LCLAT1: variants seen among roughly 807,000 people sequenced by gnomAD.
LCLAT1 encodes the protein lysocardiolipin acyltransferase 1, also known as 1-AGP acyltransferase 8.
A neutral mutation model predicts 30.7 loss-of-function variants in LCLAT1; 11 were observed. The observed-to-expected ratio is 0.36, with a 90% confidence interval of 0.23 to 0.59. LCLAT1 has a LOEUF of 0.59. LCLAT1 is among the 20% of genes least tolerant of loss of function. LCLAT1 has a pLI of 0.77. For synonymous variants in LCLAT1, 155 were observed against 151.3 expected (o/e 1.02, Z -0.18); for missense variants, 402 against 458.6 (o/e 0.88, Z 1.13).
At chr2:30,529,424 T>A (rs1261978698) in intron 2 of LCLAT1, among the ~76,000 whole-genome samples, 2 of 152,220 alleles carry the variant, frequency 1.3e-5, no homozygotes, top group African/African-American at 4.8e-5. Context: ...TCAGTCTTTC[T>A]TTGAATGTTT....
intron 1 of LCLAT1, among the ~76,000 whole-genome samples, chr2:30,493,820 G>T (rs1683963119): frequency 6.6e-6 from 1 of 152,100 alleles, no homozygotes; most frequent in South Asian, 2.1e-4. Flanking sequence ...TAAGGTAGTG[G>T]TCATGAAAGT....
intron 1 of LCLAT1, among the ~76,000 whole-genome samples, chr2:30,464,107 A>T (rs368768768): frequency 6.6e-6 from 1 of 152,112 alleles, no homozygotes; most frequent in Non-Finnish European, 1.5e-5. Flanking sequence ...TTATTTTCCT[A>T]TGCCCTCACT....
intron 5 of LCLAT1, among the ~76,000 whole-genome samples, chr2:30,585,337 T>C (rs1666386898): frequency 6.6e-6 from 1 of 152,146 alleles, no homozygotes; most frequent in East Asian, 1.9e-4. Flanking sequence ...AACTTTTACC[T>C]CTCTCAGAAA....
Position 30,568,420 on chromosome 2 carries a change from C to CATAT in LCLAT1, c.628+253_628+256dup, listed in dbSNP as rs57983028. Among the ~76,000 whole-genome samples the CATAT allele has an allele frequency of 3.8e-3, 565 of 150,284 alleles. 3 individuals are homozygous for CATAT. Among genetic ancestry groups the CATAT allele is most frequent in the Non-Finnish European group, 6.0e-3 (405 of 67,676 alleles). On this transcript the variant is annotated intron_variant, in intron 5 of 5. Transcript: ENST00000379509. Reference sequence around the variant, plus strand: ...TTGGAACAGACATAACTCTATATTACATATATATATATGTTTGTATATAGA... The same window carrying CATAT: ...TTGGAACAGACATAACTCTATATTACATATATATATATATATGTTTGTATATAGA...
intron 5 of LCLAT1, among the ~76,000 whole-genome samples, chr2:30,579,038 A>C (rs1666108376): frequency 6.6e-6 from 1 of 152,140 alleles, no homozygotes; most frequent in Non-Finnish European, 1.5e-5. Flanking sequence ...TTATTTACTT[A>C]AATTCATTAG....
intron 3 of LCLAT1, chr2:30,552,437 T>C (rs2148425566): frequency 2.5e-6 from 1 of 394,998 alleles, no homozygotes; most frequent in Admixed American, 3.0e-5. Flanking sequence ...GTTAGAGTAT[T>C]ATGTAATTAT....
chr2:30,476,529 G>C (rs1683054605), intron 1 of LCLAT1: 1 of 456,018 alleles, frequency 2.2e-6, no homozygotes. Flanking sequence ...ATGTTCCTTA[G>C]GAGAATCTAA....
rs530009823 is a variant in LCLAT1 at position 30,530,988 on chromosome 2, G to A, written c.166-2128G>A. 8.5e-5 allele frequency among the ~76,000 whole-genome samples: 13 copies of A among 152,236 alleles called. 1 individual carries two copies. In the South Asian group the frequency reaches 1.9e-3, roughly 22 times the overall value. On this transcript the variant is annotated intron_variant, in intron 2 of 5. Coordinates refer to ENST00000379509, the MANE Select transcript of LCLAT1 (RefSeq NM_001002257.3). Reference sequence around the variant, plus strand: ...GGCTTAAGATTTTTAACTCTTGGCCGGGCACGGTGGCTCATGCCTGTAATC... The same window carrying A: ...GGCTTAAGATTTTTAACTCTTGGCCAGGCACGGTGGCTCATGCCTGTAATC...
At chr2:30,480,165 T>G (rs1000412064) in intron 1 of LCLAT1, among the ~76,000 whole-genome samples, 6 of 152,308 alleles carry the variant, frequency 3.9e-5, no homozygotes, top group Middle Eastern at 3.4e-3. Flanking sequence ...CATATAAAAG[T>G]AGCAAAAGGG....
At chr2:30,475,235 G>A (rs1012517374) in intron 1 of LCLAT1, among the ~76,000 whole-genome samples, 7 of 152,118 alleles carry the variant, frequency 4.6e-5, no homozygotes, top group Admixed American at 1.3e-4. Flanking sequence ...CTGGGCTCAA[G>A]TGATACTTCT....
At chr2:30,567,472 T>C (rs1572635366) in intron 4 of LCLAT1, among the ~76,000 whole-genome samples, 1 of 152,202 alleles carries the variant, frequency 6.6e-6, no homozygotes, top group East Asian at 1.9e-4. Context: ...TGTATGCTTA[T>C]CTACTATATG....
intron 3 of LCLAT1, chr2:30,552,541 G>A: frequency 2.2e-6 from 1 of 448,546 alleles, no homozygotes. Context: ...CAACAGGATT[G>A]TTGCTGCAAA....
At chr2:30,486,325 A>G (rs1405297609) in intron 1 of LCLAT1, among the ~76,000 whole-genome samples, 1 of 152,236 alleles carries the variant, frequency 6.6e-6, no homozygotes, top group Non-Finnish European at 1.5e-5. Flanking sequence ...AAGTTGAATT[A>G]TAACATTTAG....
intron 5 of LCLAT1, among the ~76,000 whole-genome samples, chr2:30,585,609 C>T (rs1490374205): frequency 6.6e-6 from 1 of 152,228 alleles, no homozygotes; most frequent in South Asian, 2.1e-4. Flanking sequence ...TTTTTACTCT[C>T]ATTAAGATCT....
At chr2:30,573,237 C>G (rs932758589) in intron 5 of LCLAT1, among the ~76,000 whole-genome samples, 5 of 152,148 alleles carry the variant, frequency 3.3e-5, no homozygotes, top group Non-Finnish European at 5.9e-5. Context: ...AAGGATCTCT[C>G]AAATTAATTA....
At chr2:30,635,466 T>G (rs1279546463) in intron 5 of LCLAT1, among the ~76,000 whole-genome samples, 1 of 152,160 alleles carries the variant, frequency 6.6e-6, no homozygotes, top group African/African-American at 2.4e-5. Context: ...CATCACTTTG[T>G]CTTTTTTAGT....
intron 1 of LCLAT1, among the ~76,000 whole-genome samples, chr2:30,460,942 G>GTCCCTCT (rs1682090462): frequency 6.6e-6 from 1 of 152,150 alleles, no homozygotes; most frequent in African/African-American, 2.4e-5. Flanking sequence ...GGGAGAGCAG[G>GTCCCTCT]GAAGCTTTGC....
chr2:30,598,440 G>T (rs112277220), intron 5 of LCLAT1, among the ~76,000 whole-genome samples: 2,373 of 150,532 alleles, frequency 0.016, 55 homozygotes, highest in African/African-American at 0.054. Context: ...ATTTGCAGAG[G>T]TGTTTATAGT....
intron 1 of LCLAT1, among the ~76,000 whole-genome samples, chr2:30,492,980 A>G (rs1683907042): frequency 6.6e-6 from 1 of 152,208 alleles, no homozygotes; most frequent in East Asian, 1.9e-4. Flanking sequence ...TTTTGGCACC[A>G]CTACCTTATT....
Sources: allele counts gnomAD v4.1 joint callset (sites outside exome capture counted in the v4.1 genomes callset), GRCh38; gene constraint gnomAD v4.1.1; transcripts MANE v1.5; gene names NCBI Gene and HGNC (gene_info 2026-07-23, HGNC 2026-07-21).